PLCB1: variants seen among roughly 807,000 people sequenced by gnomAD.
PLCB1 encodes phospholipase C beta 1, also known as 1-phosphatidylinositol 4,5-bisphosphate phosphodiesterase beta-1.
In PLCB1, 46 loss-of-function variants were observed where a neutral mutation model predicts 161.8. That is an observed-to-expected ratio of 0.28 (90% confidence interval 0.22 to 0.36). The LOEUF is 0.36. PLCB1 is among the 10% of genes least tolerant of loss of function. The pLI, the probability that PLCB1 is intolerant of heterozygous loss-of-function variation, is 1.00. For missense variants in PLCB1, 1,016 were observed against 1,472.5 expected, an observed-to-expected ratio of 0.69 and a Z score of 5.07; for synonymous variants, 517 against 503.7, an observed-to-expected ratio of 1.03 and a Z score of -0.35.
chr20:8,761,983 G>GGT (rs915541542), intron 25 of PLCB1, among the ~76,000 whole-genome samples: 1 of 151,598 alleles, frequency 6.6e-6, no homozygotes, highest in African/African-American at 2.4e-5. Context: ...CCAAGGGGGG[G>GGT]GCGGATCACC....
At chr20:8,329,492 T>C (rs1985286344) in intron 2 of PLCB1, among the ~76,000 whole-genome samples, 2 of 151,998 alleles carry the variant, frequency 1.3e-5, no homozygotes. Context: ...AGCTGTTTGG[T>C]TTTTTCTGTT....
intron 3 of PLCB1, among the ~76,000 whole-genome samples, chr20:8,625,067 A>G (rs1346335000): frequency 3.9e-5 from 6 of 152,190 alleles, no homozygotes; most frequent in Non-Finnish European, 7.3e-5. Context: ...CAAGTTGTCT[A>G]TCAGTTTGTG....
chr20:8,371,514 T>C (rs751784347), intron 3 of PLCB1, 64 bp downstream of exon 3: 1 of 1,109,826 alleles, frequency 9.0e-7, no homozygotes, highest in Non-Finnish European at 1.4e-6. Flanking sequence ...TGTCACAATA[T>C]CAATTAATTG....
At chr20:8,609,673 G>A (rs918489981) in intron 3 of PLCB1, among the ~76,000 whole-genome samples, 2 of 151,990 alleles carry the variant, frequency 1.3e-5, no homozygotes, top group African/African-American at 4.8e-5. Context: ...GATGGGAGTC[G>A]TGCTGTGTCA....
chr20:8,509,261 G>A (rs1328666918), intron 3 of PLCB1, among the ~76,000 whole-genome samples: 1 of 152,134 alleles, frequency 6.6e-6, no homozygotes, highest in Admixed American at 6.6e-5. Flanking sequence ...CCCATGTGTG[G>A]CTAGACAATG....
chr20:8,209,182 A>G (rs1271264288), intron 2 of PLCB1, among the ~76,000 whole-genome samples: 1 of 151,422 alleles, frequency 6.6e-6, no homozygotes, highest in Non-Finnish European at 1.5e-5. Flanking sequence ...TGAGGGCAGA[A>G]GAAAAGAAAC....
At chr20:8,837,175 C>T (rs368449123) in intron 31 of PLCB1, among the ~76,000 whole-genome samples, 7 of 152,218 alleles carry the variant, frequency 4.6e-5, no homozygotes, top group South Asian at 2.1e-4. Context: ...CTCTAAGGGC[C>T]TCCCTCAAGG....
chr20:8,435,867 C>T (rs1402469741), intron 3 of PLCB1, among the ~76,000 whole-genome samples: 2 of 152,160 alleles, frequency 1.3e-5, no homozygotes, highest in Non-Finnish European at 2.9e-5. Flanking sequence ...TGAAATATCA[C>T]TATTGTGGTT....
At chr20:8,687,560 C>G (rs1990388687) in intron 10 of PLCB1, among the ~76,000 whole-genome samples, 1 of 152,100 alleles carries the variant, frequency 6.6e-6, no homozygotes. Flanking sequence ...AGCTTAGCTC[C>G]CACATATCAG....
intron 3 of PLCB1, among the ~76,000 whole-genome samples, chr20:8,387,075 T>C (rs562429715): frequency 6.6e-6 from 1 of 152,324 alleles, no homozygotes; most frequent in Non-Finnish European, 1.5e-5. Flanking sequence ...CAGCAATACG[T>C]TTGCTTTGCT....
At chr20:8,848,753 G>T (rs552719681) in intron 31 of PLCB1, among the ~76,000 whole-genome samples, 1 of 152,230 alleles carries the variant, frequency 6.6e-6, no homozygotes, top group Non-Finnish European at 1.5e-5. Context: ...CTGGAAGTCC[G>T]GGATGAGGAC....
At chr20:8,526,155 A>G (rs1453799488) in intron 3 of PLCB1, among the ~76,000 whole-genome samples, 1 of 152,114 alleles carries the variant, frequency 6.6e-6, no homozygotes, top group Non-Finnish European at 1.5e-5. Context: ...ATTTATGCAC[A>G]TACAATTTTA....
intron 3 of PLCB1, among the ~76,000 whole-genome samples, chr20:8,454,580 A>T (rs1213783991): frequency 6.6e-6 from 1 of 152,200 alleles, no homozygotes; most frequent in Non-Finnish European, 1.5e-5. Flanking sequence ...GAAACGAGTC[A>T]GGATGACTCA....
intron 10 of PLCB1, among the ~76,000 whole-genome samples, 161 bp from the exon 11 acceptor site, chr20:8,697,465 G>A (rs1329220881): frequency 6.6e-6 from 1 of 152,156 alleles, no homozygotes; most frequent in East Asian, 1.9e-4. Flanking sequence ...TTGAAATTGA[G>A]CCATTACCTT....
At chr20:8,335,522 T>G (rs1339555719) in intron 2 of PLCB1, among the ~76,000 whole-genome samples, 3 of 152,224 alleles carry the variant, frequency 2.0e-5, no homozygotes, top group Non-Finnish European at 4.4e-5. Context: ...GGAACTTGAT[T>G]CATGTTTCAT....
chr20:8,754,925 T>C lies in PLCB1; in HGVS notation c.2524-2121T>C, dbSNP rs373368576. On this transcript the variant is annotated intron_variant, in intron 23 of 31. Transcript: ENST00000338037. ...ACAACACATACACAATCCTTTCCCT[T>C]TGCATATAATTCTAGGGAGAATTTT... 3.3e-5 allele frequency among the ~76,000 whole-genome samples: 5 copies of C among 152,322 alleles called. No homozygotes were observed. In the East Asian group the frequency reaches 9.6e-4, roughly 29 times the overall value.
At chr20:8,732,207 ATT>A (rs1980289557) in intron 18 of PLCB1, 1 of 152,104 alleles carries the variant, frequency 6.6e-6, no homozygotes, top group African/African-American at 2.4e-5. Flanking sequence ...TAAAAAAGAA[ATT>A]TTTTGTACAA....
In PLCB1 at chr20:8,657,294, C is replaced by A; in HGVS notation, c.695+10C>A. ...ACATCTTTTCAGAATTGTAAGAGTA[C>A]ACATTTTAAGCCATATCTTTTTCAG... On this transcript the variant is annotated intron_variant, in intron 8 of 31. Coordinates refer to ENST00000338037, the MANE Select transcript of PLCB1 (RefSeq NM_015192.4). 6.7e-7 allele frequency: 1 copy of A among 1,503,614 alleles called. No individual in the cohort carries two copies. Among genetic ancestry groups the A allele is most frequent in the Non-Finnish European group, 9.3e-7 (1 of 1,079,518 alleles). The allele number at this position is 1,503,614 out of a possible 1,614,324, so 93.1% of individuals were successfully genotyped here.
chr20:8,837,838 G>A (rs944458555), intron 31 of PLCB1, among the ~76,000 whole-genome samples: 2 of 152,300 alleles, frequency 1.3e-5, no homozygotes, highest in Non-Finnish European at 1.5e-5. Flanking sequence ...TAAATGTAAT[G>A]GGAATAATTG....
Sources: allele counts gnomAD v4.1 joint callset (sites outside exome capture counted in the v4.1 genomes callset), GRCh38; gene constraint gnomAD v4.1.1; transcripts MANE v1.5; gene names NCBI Gene and HGNC (gene_info 2026-07-23, HGNC 2026-07-21).